Variants in SEMA5A observed in about 807,000 individuals in gnomAD.
SEMA5A encodes semaphorin-5A.
Under a neutral mutation model 135.5 loss-of-function variants are expected in SEMA5A, and 55 were observed. The ratio of observed to expected loss-of-function variants is 0.41; its 90% CI spans 0.33 to 0.51. The LOEUF is 0.51. Ranked by LOEUF, SEMA5A falls within the 20% of genes least tolerant of loss-of-function variation. The pLI is 0.37. For synonymous variants in SEMA5A, 580 were observed against 546.5 expected, an observed-to-expected ratio of 1.06 and a Z score of -0.85; for missense variants, 1,290 against 1,419.9, an observed-to-expected ratio of 0.91 and a Z score of 1.47.
intron 21 of SEMA5A, chr5:9,045,820 A>C (rs879372705): frequency 6.6e-6 from 1 of 152,234 alleles, no homozygotes; most frequent in Non-Finnish European, 1.5e-5. Context: ...AATACAAAGC[A>C]TTCAGAAAAT....
intron 11 of SEMA5A, among the ~76,000 whole-genome samples, chr5:9,185,898 C>T (rs1051918096): frequency 2.0e-5 from 3 of 152,162 alleles, no homozygotes; most frequent in Non-Finnish European, 2.9e-5. Flanking sequence ...AGCCACATGT[C>T]TGGACCAGGA....
intron 2 of SEMA5A, among the ~76,000 whole-genome samples, chr5:9,423,938 A>T (rs1757557498): frequency 6.6e-6 from 1 of 152,200 alleles, no homozygotes; most frequent in African/African-American, 2.4e-5. Flanking sequence ...AGGCCTCTCA[A>T]ACACAAACTT....
intron 2 of SEMA5A, among the ~76,000 whole-genome samples, chr5:9,425,061 G>A (rs3846586): frequency 0.044 from 6,758 of 152,120 alleles, 402 homozygotes; most frequent in East Asian, 0.12. Context: ...TTCATGTCCC[G>A]GCTTACAAAG....
In SEMA5A at chr5:9,054,132, C is replaced by T. The variant is rs2150048953; in HGVS notation, c.2644G>A (p.Gly882Arg). The T allele has an allele frequency of 6.2e-7, 1 of 1,613,722 alleles. No individual in the cohort carries two copies. Among genetic ancestry groups the T allele is most frequent in the Non-Finnish European group, 8.5e-7 (1 of 1,179,878 alleles). The change falls in exon 19 of 23, where the codon GGG (glycine) becomes AGG (arginine). Residue 882 changes from glycine (G) to arginine (R), a missense_variant. This residue lies in a region of SEMA5A where 1,029 missense variants were observed against 1,086.6 expected (regional missense o/e 0.95). Coordinates refer to ENST00000382496, the MANE Select transcript of SEMA5A (RefSeq NM_003966.3). ...APAYGGDICL[G>R]LHTEEALCNT... ...CAGAGTGCCTCTTCTGTGTGCAGCC[C>T]CAGGCAGATGTCCCCTCCATAGGCC...
In SEMA5A at chr5:9,182,101, G is replaced by A. The variant is rs147941431; in HGVS notation, c.1273+8166C>T. ...CTCCCCCATCTCATCTTCCTGTTTC[G>A]TTTTTTCCTATTTAACATTTAATGC... On this transcript the variant is annotated intron_variant, in intron 11 of 22. Transcript: ENST00000382496. Among the ~76,000 whole-genome samples the A allele has an allele frequency of 3.5e-3, 520 of 148,972 alleles. 4 individuals are homozygous for A. The highest frequency in any genetic ancestry group is 0.013 in the African/African-American group (500 of 39,986).
chr5:9,320,850 A>T (rs1050914053), intron 4 of SEMA5A, among the ~76,000 whole-genome samples: 1 of 152,188 alleles, frequency 6.6e-6, no homozygotes, highest in African/African-American at 2.4e-5. Context: ...GCTTTCACCC[A>T]GTGTGACCTT....
At chr5:9,195,815 C>G (rs1009971251) in intron 10 of SEMA5A, among the ~76,000 whole-genome samples, 1 of 152,316 alleles carries the variant, frequency 6.6e-6, no homozygotes, top group Admixed American at 6.5e-5. Flanking sequence ...AATCACTGAA[C>G]CTTTCCATAC....
At chr5:9,353,155 A>AGGAAAGGAAAGGAAAGGAAG (rs1754239883) in intron 3 of SEMA5A, among the ~76,000 whole-genome samples, 1 of 78,122 alleles carries the variant, frequency 1.3e-5, no homozygotes, top group Non-Finnish European at 2.6e-5. Context: ...AGGAAAGGAA[A>AGGAAAGGAAAGGAAAGGAAG]GGAAAGGAGG....
chr5:9,301,220 C>A (rs1751596501), intron 5 of SEMA5A, among the ~76,000 whole-genome samples: 1 of 152,162 alleles, frequency 6.6e-6, no homozygotes, highest in Non-Finnish European at 1.5e-5. Context: ...AAGAAAGTCA[C>A]ACTTGGTATT....
intron 2 of SEMA5A, 76 bp from the exon 3 acceptor site, chr5:9,380,099 T>G (rs926905558): frequency 2.1e-6 from 2 of 937,912 alleles, no homozygotes; most frequent in Non-Finnish European, 3.1e-6. Context: ...TAAAACTTCC[T>G]CACTAACTTT....
chr5:9,350,868 A>G (rs1754083277), intron 3 of SEMA5A, among the ~76,000 whole-genome samples: 1 of 152,206 alleles, frequency 6.6e-6, no homozygotes, highest in Non-Finnish European at 1.5e-5. Context: ...CCATCACTGT[A>G]ATCAACCCTA....
At chr5:9,366,991 T>C (rs553023963) in intron 3 of SEMA5A, among the ~76,000 whole-genome samples, 7 of 152,156 alleles carry the variant, frequency 4.6e-5, no homozygotes, top group Non-Finnish European at 1.0e-4. Flanking sequence ...ACATGAACCA[T>C]GATGCTTTCC....
At chr5:9,419,176 G>A (rs545774455) in intron 2 of SEMA5A, among the ~76,000 whole-genome samples, 1 of 152,216 alleles carries the variant, frequency 6.6e-6, no homozygotes, top group South Asian at 2.1e-4. Context: ...TGTTTGTATA[G>A]TTTTGAGAGA....
intron 5 of SEMA5A, among the ~76,000 whole-genome samples, chr5:9,273,363 T>C (rs370405762): frequency 3.3e-5 from 5 of 152,138 alleles, no homozygotes; most frequent in Non-Finnish European, 4.4e-5. Context: ...CTATGTTTGA[T>C]TGGGCTACCT....
intron 1 of SEMA5A, among the ~76,000 whole-genome samples, chr5:9,524,775 C>T (rs574291727): frequency 6.6e-6 from 1 of 152,318 alleles, no homozygotes; most frequent in East Asian, 1.9e-4. Context: ...TAAATATATA[C>T]ATAAACACTT....
chr5:9,192,099 G>A (rs1745141242), intron 10 of SEMA5A, among the ~76,000 whole-genome samples: 1 of 143,406 alleles, frequency 7.0e-6, no homozygotes, highest in Non-Finnish European at 1.5e-5. Context: ...GTGAGTTTAG[G>A]TGAAGGGCTC....
At chr5:9,169,756 G>A (rs182059672) in intron 11 of SEMA5A, among the ~76,000 whole-genome samples, 95 of 152,290 alleles carry the variant, frequency 6.2e-4, no homozygotes, top group African/African-American at 2.1e-3. Flanking sequence ...CCTCCAGGCT[G>A]CTCAGGTCTG....
intron 4 of SEMA5A, among the ~76,000 whole-genome samples, chr5:9,334,896 C>A (rs1753313998): frequency 1.3e-5 from 2 of 152,152 alleles, no homozygotes; most frequent in Admixed American, 1.3e-4. Flanking sequence ...TCATGTCCAC[C>A]ATGCCATACA....
intron 1 of SEMA5A, among the ~76,000 whole-genome samples, chr5:9,531,845 G>A (rs56349831): frequency 1.6e-3 from 245 of 152,260 alleles, no homozygotes; most frequent in African/African-American, 5.5e-3. Context: ...ATTTACCCTA[G>A]TATCTTTGCT....
Sources: gnomAD v4.1 joint callset for allele counts (sites outside exome capture counted in the v4.1 genomes callset) on GRCh38, gnomAD v4.1.1 for gene constraint, gnomAD v4.1.1 regional missense constraint, MANE v1.5 for transcripts, NCBI Gene and HGNC (gene_info 2026-07-23, HGNC 2026-07-21) for gene names.